TBC1D22A: variants seen among roughly 807,000 people sequenced by gnomAD.
TBC1D22A encodes the protein putative GTPase activator.
A neutral mutation model predicts 60.2 loss-of-function variants in TBC1D22A; 38 were observed. The observed-to-expected ratio is 0.63, with a 90% CI of 0.49 to 0.83. The LOEUF is 0.83. Among genes scored for constraint, TBC1D22A ranks in the 40% least tolerant of loss-of-function variants. The probability of loss-of-function intolerance (pLI) is 0.00; values close to 1 mark genes in which losing one functional copy is unlikely to be tolerated. For synonymous variants in TBC1D22A, 302 were observed against 281.7 expected, an observed-to-expected ratio of 1.07 and a Z score of -0.72; for missense variants, 628 against 701.0, an observed-to-expected ratio of 0.90 and a Z score of 1.18.
Position 47,014,445 on chromosome 22 carries a change from G to A in TBC1D22A, c.1201+16736G>A, listed in dbSNP as rs139966518. On this transcript the variant is annotated intron_variant, in intron 10 of 12. Coordinates refer to ENST00000337137, the MANE Select transcript of TBC1D22A (RefSeq NM_014346.5). Reference sequence around the variant, plus strand: ...CCCATCAGTCCCCGCTGGACATGCCGTGAGTGTGCTTTTGTATTGAGGTGG... The same window carrying A: ...CCCATCAGTCCCCGCTGGACATGCCATGAGTGTGCTTTTGTATTGAGGTGG... 5.4e-4 allele frequency among the ~76,000 whole-genome samples: 83 copies of A among 152,298 alleles called. No individual in the cohort carries two copies. The East Asian group carries it at 0.014, about 26-fold the overall frequency.
At chr22:46,828,850 C>T (rs964464091) in intron 4 of TBC1D22A, among the ~76,000 whole-genome samples, 10 of 152,242 alleles carry the variant, frequency 6.6e-5, no homozygotes, top group African/African-American at 2.2e-4. Flanking sequence ...CACGCCCTCA[C>T]GTTGAGCGCT....
intron 10 of TBC1D22A, among the ~76,000 whole-genome samples, chr22:47,007,447 C>T (rs1162036794): frequency 6.6e-6 from 1 of 152,342 alleles, no homozygotes; most frequent in African/African-American, 2.4e-5. Context: ...CAGAGGAGCC[C>T]TTGGGAAGGC....
intron 4 of TBC1D22A, among the ~76,000 whole-genome samples, chr22:46,857,031 C>T (rs897071537): frequency 6.6e-6 from 1 of 152,230 alleles, no homozygotes; most frequent in African/African-American, 2.4e-5. Context: ...TGGAGTGTTC[C>T]CTGGAATGCC....
At chr22:46,984,734 A>C (rs1467184389) in intron 9 of TBC1D22A, among the ~76,000 whole-genome samples, 1 of 152,240 alleles carries the variant, frequency 6.6e-6, no homozygotes, top group Non-Finnish European at 1.5e-5. Flanking sequence ...AAAGTGACTA[A>C]ATTATCTCAG....
At chr22:47,096,992 G>A (rs181442226) in intron 11 of TBC1D22A, among the ~76,000 whole-genome samples, 24 of 152,336 alleles carry the variant, frequency 1.6e-4, no homozygotes, top group Admixed American at 5.2e-4. Context: ...TTGATGGAAC[G>A]TTCCATCCTT....
chr22:46,877,582 G>A (rs755543449), intron 4 of TBC1D22A, among the ~76,000 whole-genome samples: 5 of 152,280 alleles, frequency 3.3e-5, no homozygotes, highest in African/African-American at 4.8e-5. Context: ...TTATTGCTGC[G>A]ACTATCGCCC....
chr22:46,901,958 G>A (rs113017597), intron 7 of TBC1D22A, among the ~76,000 whole-genome samples: 3,282 of 148,972 alleles, frequency 0.022, 110 homozygotes, highest in African/African-American at 0.078. Flanking sequence ...ATAAACGTGA[G>A]TACAGCAACA....
At chr22:47,004,854 TACAC>T (rs1356456348) in intron 10 of TBC1D22A, among the ~76,000 whole-genome samples, 6 of 151,274 alleles carry the variant, frequency 4.0e-5, no homozygotes, top group Non-Finnish European at 8.9e-5. Context: ...CTACTGTACA[TACAC>T]ACACCCCTGT....
intron 8 of TBC1D22A, among the ~76,000 whole-genome samples, chr22:46,923,739 A>G (rs1323857318): frequency 6.6e-6 from 1 of 152,266 alleles, no homozygotes; most frequent in African/African-American, 2.4e-5. Context: ...GTATTTACAT[A>G]GTCGAGTGCA....
chr22:47,076,342 T>C (rs986461614), intron 11 of TBC1D22A, among the ~76,000 whole-genome samples: 1 of 126,308 alleles, frequency 7.9e-6, no homozygotes, highest in Non-Finnish European at 1.6e-5. Context: ...TGTGTGTGTG[T>C]ATATATATAT....
intron 8 of TBC1D22A, among the ~76,000 whole-genome samples, chr22:46,940,453 A>AATATAT (rs58629182): frequency 2.1e-5 from 3 of 142,704 alleles, no homozygotes; most frequent in African/African-American, 7.8e-5. Flanking sequence ...GGGGCACTAG[A>AATATAT]ATATATATAT....
At chr22:47,151,345 A>G (rs1458792978) in intron 12 of TBC1D22A, among the ~76,000 whole-genome samples, 1 of 152,298 alleles carries the variant, frequency 6.6e-6, no homozygotes, top group African/African-American at 2.4e-5. Flanking sequence ...TCGCAGCCCC[A>G]CTGCATGCCT....
chr22:46,902,846 A>G (rs1370373263), intron 7 of TBC1D22A, among the ~76,000 whole-genome samples: 1 of 152,286 alleles, frequency 6.6e-6, no homozygotes, highest in East Asian at 1.9e-4. Flanking sequence ...TCAGCAGCGC[A>G]CAGTTGAAGT....
intron 11 of TBC1D22A, among the ~76,000 whole-genome samples, chr22:47,090,808 G>C (rs556423257): frequency 4.7e-5 from 7 of 150,354 alleles, no homozygotes; most frequent in South Asian, 2.1e-4. Flanking sequence ...CCTCGCGGAG[G>C]GGGTGGCTGC....
chr22:47,041,137 C>T (rs138221033), intron 11 of TBC1D22A, among the ~76,000 whole-genome samples: 1 of 152,316 alleles, frequency 6.6e-6, no homozygotes, highest in African/African-American at 2.4e-5. Flanking sequence ...GTGAGTATTG[C>T]AAGATGACTT....
chr22:46,941,743 T>C (rs921538309), intron 8 of TBC1D22A, among the ~76,000 whole-genome samples: 3 of 147,740 alleles, frequency 2.0e-5, no homozygotes, highest in African/African-American at 7.4e-5. Flanking sequence ...ACGGAATATA[T>C]ATATGCGGAA....
intron 11 of TBC1D22A, among the ~76,000 whole-genome samples, chr22:47,097,380 C>A (rs932035015): frequency 1.3e-5 from 2 of 152,156 alleles, no homozygotes; most frequent in Non-Finnish European, 2.9e-5. Context: ...TTTTGGGAGG[C>A]CGAGGCAGGT....
rs571669542 is a variant in TBC1D22A, at chr22:46,946,633, G to A, written c.1016-27657G>A. 1.2e-4 allele frequency among the ~76,000 whole-genome samples: 18 copies of A among 152,222 alleles called. No homozygotes were observed. The South Asian group carries it at 2.7e-3, about 23-fold the overall frequency. On this transcript the variant is annotated intron_variant, in intron 8 of 12. Coordinates refer to ENST00000337137, the MANE Select transcript of TBC1D22A (RefSeq NM_014346.5). ...GCTTGCGTGAGTCCCACGGCTGTGC[G>A]GGCACTGGGCTCCTGTTGATGACTG...
At chr22:46,906,918 C>T (rs2069522276) in intron 7 of TBC1D22A, among the ~76,000 whole-genome samples, 1 of 151,830 alleles carries the variant, frequency 6.6e-6, no homozygotes, top group African/African-American at 2.4e-5. Flanking sequence ...ATGTGCTTTT[C>T]ATGTGTGCGC....
Sources: gnomAD v4.1 joint callset for allele counts (sites outside exome capture counted in the v4.1 genomes callset) on GRCh38, gnomAD v4.1.1 for gene constraint, MANE v1.5 for transcripts, NCBI Gene and HGNC (gene_info 2026-07-23, HGNC 2026-07-21) for gene names.